The following SLC26A8 variants were observed in gnomAD, a reference collection of about 807,000 sequenced individuals.
SLC26A8 encodes solute carrier family 26 member 8.
A neutral mutation model predicts 105.0 loss-of-function variants in SLC26A8; 70 were observed. That is an observed-to-expected ratio of 0.67 (90% CI 0.55 to 0.81). The LOEUF is 0.81. SLC26A8 is among the 40% of genes least tolerant of loss of function. The pLI, the probability that SLC26A8 is intolerant of heterozygous loss-of-function variation, is 0.00. For synonymous variants in SLC26A8, 415 were observed against 438.3 expected, an observed-to-expected ratio of 0.95 and a Z score of 0.66; for missense variants, 998 against 1,181.8, an observed-to-expected ratio of 0.84 and a Z score of 2.28.
intron 16 of SLC26A8, among the ~76,000 whole-genome samples, chr6:35,956,480 C>T (rs552728955): frequency 9.2e-5 from 14 of 151,502 alleles, no homozygotes; most frequent in African/African-American, 3.4e-4. Context: ...TTTACCACTG[C>T]TGTCAACCTC....
chr6:35,948,521 G>A (rs1209577856), intron 19 of SLC26A8, among the ~76,000 whole-genome samples: 5 of 152,130 alleles, frequency 3.3e-5, no homozygotes, highest in African/African-American at 9.7e-5. Flanking sequence ...CCTGGGAGGC[G>A]GAGGTTGCAG....
At chr6:35,987,341 A>G (rs1773562240) in intron 7 of SLC26A8, among the ~76,000 whole-genome samples, 1 of 152,132 alleles carries the variant, frequency 6.6e-6, no homozygotes, top group Non-Finnish European at 1.5e-5. Flanking sequence ...GCAGTGCCCC[A>G]GGGATTTGAG....
At chr6:36,006,301 G>T (rs1761682772) in intron 3 of SLC26A8, among the ~76,000 whole-genome samples, 1 of 152,038 alleles carries the variant, frequency 6.6e-6, no homozygotes, top group South Asian at 2.1e-4. Context: ...TGTATTTTTA[G>T]TAGAGACAGG....
At chr6:35,949,704 A>G (rs1243756162) in intron 19 of SLC26A8, among the ~76,000 whole-genome samples, 1 of 152,116 alleles carries the variant, frequency 6.6e-6, no homozygotes, top group African/African-American at 2.4e-5. Context: ...TAGTAAAAGC[A>G]GACTGCATAA....
rs149306097 is a variant in SLC26A8 at position 36,002,331 on chromosome 6, A to G, written c.329-2223T>C. Among the ~76,000 whole-genome samples the G allele has an allele frequency of 1.9e-3, 293 of 152,276 alleles. 3 individuals are homozygous for G. The Middle Eastern group carries it at 0.02, about 11-fold the overall frequency. Reference sequence around the variant, plus strand: ...TGGGGCTATTATGAACAATATTGCTATGAATATTCTTGTACATGTCTCCTG... The same window carrying G: ...TGGGGCTATTATGAACAATATTGCTGTGAATATTCTTGTACATGTCTCCTG... On this transcript the variant is annotated intron_variant, in intron 3 of 19. Transcript: ENST00000490799.
intron 3 of SLC26A8, among the ~76,000 whole-genome samples, chr6:36,007,635 T>C (rs992145616): frequency 1.3e-5 from 2 of 152,020 alleles, no homozygotes; most frequent in South Asian, 4.1e-4. Context: ...TAAAACAATT[T>C]TGGAAAAAAA....
At position 35,982,123 on chromosome 6, in the gene SLC26A8, A is replaced by G. The variant is rs745726518; in HGVS notation, c.1023T>C (p.Tyr341=). Residue 341 remains tyrosine (Y), a splice_region_variant and synonymous_variant, in exon 8 of 20, where the codon TAT becomes TAC. Transcript: ENST00000490799. ...TSQTLIDMIP[Y]SFLLPVTPDF... Reference sequence around the variant, plus strand: ...TCTTGAAAAGTGGAATTACTGACCTATAAGGAATCATGTCAATAAGCGTCT... The same window carrying G: ...TCTTGAAAAGTGGAATTACTGACCTGTAAGGAATCATGTCAATAAGCGTCT... The G allele has an allele frequency of 1.2e-6, 2 of 1,614,086 alleles. No individual in the cohort carries two copies. Among genetic ancestry groups the G allele is most frequent in the Admixed American group, 1.7e-5 (1 of 60,022 alleles).
chr6:35,947,431 A>C (rs1263769195), intron 19 of SLC26A8, among the ~76,000 whole-genome samples: 1 of 152,234 alleles, frequency 6.6e-6, no homozygotes, highest in Non-Finnish European at 1.5e-5. Context: ...TAGTTAATGC[A>C]ATAATATATG....
chr6:35,983,539 C>T (rs1329404740), intron 7 of SLC26A8, among the ~76,000 whole-genome samples: 1 of 151,568 alleles, frequency 6.6e-6, no homozygotes, highest in Non-Finnish European at 1.5e-5. Flanking sequence ...AATATTGAGT[C>T]TGCTCTTTTG....
intron 8 of SLC26A8, among the ~76,000 whole-genome samples, chr6:35,978,338 A>G (rs762649519): frequency 6.6e-6 from 1 of 152,128 alleles, no homozygotes; most frequent in African/African-American, 2.4e-5. Context: ...AGGAAAAAAA[A>G]ATCTTGATGA....
At chr6:35,998,038 G>T in intron 4 of SLC26A8, 119 bp from the exon 5 acceptor site, 1 of 915,376 alleles carries the variant, frequency 1.1e-6, no homozygotes, top group East Asian at 2.5e-5. Context: ...TTTCTCATTT[G>T]AAAGTGGCCA....
intron 16 of SLC26A8, among the ~76,000 whole-genome samples, chr6:35,957,371 A>G (rs1772115890): frequency 6.6e-6 from 1 of 151,996 alleles, no homozygotes; most frequent in African/African-American, 2.4e-5. Flanking sequence ...TGCTTGTGAA[A>G]TAAATTTTAA....
At chr6:35,960,162 G>A (rs539979302) in intron 14 of SLC26A8, 67 of 187,730 alleles carry the variant, frequency 3.6e-4, no homozygotes, top group Non-Finnish European at 6.5e-4. Flanking sequence ...TGGAATTACA[G>A]GTGTGAGCCA....
At chr6:36,013,752 T>C (rs1761925256) in intron 2 of SLC26A8, among the ~76,000 whole-genome samples, 1 of 152,250 alleles carries the variant, frequency 6.6e-6, no homozygotes, top group Admixed American at 6.5e-5. Context: ...ATGTGTAAAC[T>C]GAGCTAGATA....
intron 8 of SLC26A8, 55 bp from the exon 9 acceptor site, chr6:35,977,406 T>C (rs1581654500): frequency 1.3e-6 from 2 of 1,540,578 alleles, no homozygotes. Flanking sequence ...TCTTGGTACC[T>C]CCGCCACTCT....
In SLC26A8 at chr6:35,946,895, G is replaced by T. The variant is rs138308372; in HGVS notation, c.2473-2555C>A. Among the ~76,000 whole-genome samples, 49 of 151,544 alleles carry T rather than the reference G, an allele frequency of 3.2e-4. No homozygotes were observed. In the East Asian group the frequency reaches 8.0e-3, roughly 25 times the overall value. On this transcript the variant is annotated intron_variant, in intron 19 of 19. Coordinates refer to ENST00000490799, the MANE Select transcript of SLC26A8 (RefSeq NM_052961.4). ...TTCAAGATAAGAGTCTCACTATGTT[G>T]TCCAGGTTGCTCTGAAATTCCTGGC...
chr6:35,955,435 A>G lies in SLC26A8; in HGVS notation c.1949T>C (p.Met650Thr). 2 of 1,614,166 alleles carry G rather than the reference A, an allele frequency of 1.2e-6. No homozygotes were observed. Among genetic ancestry groups the G allele is most frequent in the Non-Finnish European group, 1.7e-6 (2 of 1,180,034 alleles). Reference sequence around the variant, plus strand: ...TTCGGATGCAGTTTGGCTTGTGTTCATGCTCTCAAAATGTGAGCAGTGAAT... The same window carrying G: ...TTCGGATGCAGTTTGGCTTGTGTTCGTGCTCTCAAAATGTGAGCAGTGAAT... Reference protein sequence around the residue: ...NLIHCSHFESMNTSQTASEDQ... With the variant: ...NLIHCSHFESTNTSQTASEDQ... The change falls in exon 17 of 20, where the codon ATG becomes ACG. Residue 650 changes from methionine to threonine, a missense_variant. Met to Thr is a moderately conservative substitution (Grantham distance 81). Coordinates refer to ENST00000490799, the MANE Select transcript of SLC26A8 (RefSeq NM_052961.4).
chr6:36,015,674 T>G (rs1187450298), intron 2 of SLC26A8, among the ~76,000 whole-genome samples: 2 of 152,108 alleles, frequency 1.3e-5, no homozygotes, highest in Admixed American at 6.5e-5. Flanking sequence ...AAAGCCAATG[T>G]TGCCCCCAAA....
intron 16 of SLC26A8, among the ~76,000 whole-genome samples, chr6:35,958,716 T>A (rs1772193145): frequency 6.6e-6 from 1 of 151,864 alleles, no homozygotes. Context: ...GGTGGAGGCA[T>A]TTGTGTGTGT....
Sources: gnomAD v4.1 joint callset for allele counts (sites outside exome capture counted in the v4.1 genomes callset) on GRCh38, gnomAD v4.1.1 for gene constraint, MANE v1.5 for transcripts, NCBI Gene and HGNC (gene_info 2026-07-23, HGNC 2026-07-21) for gene names.